The following TRDN variants were observed in gnomAD, a reference collection of about 807,000 sequenced individuals.
TRDN encodes the protein triadin in skeletal muscle.
A neutral mutation model predicts 149.7 loss-of-function variants in TRDN; 161 were observed. That is an observed-to-expected ratio of 1.08 (90% CI 0.95 to 1.23). TRDN has a LOEUF of 1.23. TRDN is among the 50% of genes most tolerant of loss of function. The probability of loss-of-function intolerance (pLI) is 0.00; values close to 1 mark genes in which losing one functional copy is unlikely to be tolerated. For missense variants in TRDN, 896 were observed against 823.5 expected, an observed-to-expected ratio of 1.09 and a Z score of -1.08; for synonymous variants, 294 against 250.5, an observed-to-expected ratio of 1.17 and a Z score of -1.64.
chr6:123,386,650 G>T (rs1781915185), intron 14 of TRDN, among the ~76,000 whole-genome samples: 1 of 152,236 alleles, frequency 6.6e-6, no homozygotes, highest in Non-Finnish European at 1.5e-5. Context: ...AGGATGTCAA[G>T]AGGCAGCTTC....
chr6:123,550,189 C>A (rs1160139538), intron 2 of TRDN, among the ~76,000 whole-genome samples: 1 of 151,908 alleles, frequency 6.6e-6, no homozygotes. Flanking sequence ...AGGAAGTTGA[C>A]CCAGAGACAC....
intron 1 of TRDN, among the ~76,000 whole-genome samples, 190 bp downstream of exon 1, chr6:123,636,564 T>C (rs1196134787): frequency 1.3e-5 from 2 of 151,948 alleles, no homozygotes; most frequent in Non-Finnish European, 2.9e-5. Flanking sequence ...AAATCTCTTT[T>C]TGCTCCCCCA....
At chr6:123,544,246 TACACAC>T (rs71021453) in intron 4 of TRDN, among the ~76,000 whole-genome samples, 4,882 of 144,260 alleles carry the variant, frequency 0.034, 102 homozygotes, top group Middle Eastern at 0.066. Context: ...CATCTGTACA[TACACAC>T]ACACACACAC....
At chr6:123,463,357 T>A (rs9490774) in intron 10 of TRDN, among the ~76,000 whole-genome samples, 22,112 of 146,192 alleles carry the variant, frequency 0.15, 1,957 homozygotes, top group South Asian at 0.29. Flanking sequence ...AAAAAATAAA[T>A]AATAAATAAA....
At chr6:123,499,175 G>T (rs1262238261) in intron 8 of TRDN, among the ~76,000 whole-genome samples, 3 of 152,046 alleles carry the variant, frequency 2.0e-5, no homozygotes, top group African/African-American at 7.2e-5. Context: ...TATGTATGTT[G>T]GAAGTTTAGA....
At chr6:123,546,005 A>G (rs1781092326) in intron 4 of TRDN, among the ~76,000 whole-genome samples, 1 of 152,112 alleles carries the variant, frequency 6.6e-6, no homozygotes, top group Non-Finnish European at 1.5e-5. Flanking sequence ...AACATTATTT[A>G]TCTGTTTTCC....
At chr6:123,321,586 T>C in intron 23 of TRDN, among the ~76,000 whole-genome samples, 1 of 151,988 alleles carries the variant, frequency 6.6e-6, no homozygotes, top group East Asian at 1.9e-4. Context: ...AACTATATTA[T>C]TATTTAAAAG....
chr6:123,419,192 C>T (rs1008582105), intron 12 of TRDN, among the ~76,000 whole-genome samples: 3 of 151,920 alleles, frequency 2.0e-5, no homozygotes, highest in Admixed American at 1.3e-4. Context: ...ACCCCCAGAG[C>T]CAGGGCTTCT....
chr6:123,327,532 T>C (rs9490734), intron 23 of TRDN, among the ~76,000 whole-genome samples: 285 of 152,240 alleles, frequency 1.9e-3, no homozygotes, highest in African/African-American at 6.7e-3. Flanking sequence ...TCATAATTTT[T>C]ACATGAAAAT....
At chr6:123,401,554 G>T (rs1346510013) in intron 12 of TRDN, among the ~76,000 whole-genome samples, 1 of 152,140 alleles carries the variant, frequency 6.6e-6, no homozygotes, top group African/African-American at 2.4e-5. Context: ...TCCACCCACA[G>T]TTTGCTTAGG....
At chr6:123,555,256 A>G (rs920066264) in intron 2 of TRDN, among the ~76,000 whole-genome samples, 1 of 152,038 alleles carries the variant, frequency 6.6e-6, no homozygotes, top group African/African-American at 2.4e-5. Context: ...TAATTTTGTC[A>G]TCACGGTGGA....
intron 4 of TRDN, among the ~76,000 whole-genome samples, chr6:123,536,313 A>G (rs1780526492): frequency 6.6e-6 from 1 of 152,176 alleles, no homozygotes; most frequent in Non-Finnish European, 1.5e-5. Context: ...ACTACTTGAA[A>G]AAATATTCAA....
At chr6:123,284,757 C>T (rs1223845226) in intron 24 of TRDN, among the ~76,000 whole-genome samples, 1 of 151,728 alleles carries the variant, frequency 6.6e-6, no homozygotes, top group Non-Finnish European at 1.5e-5. Flanking sequence ...ATTATACGCC[C>T]AGAAAACCCT....
At chr6:123,561,003 C>T (rs373075278) in intron 2 of TRDN, among the ~76,000 whole-genome samples, 11 of 152,202 alleles carry the variant, frequency 7.2e-5, no homozygotes, top group African/African-American at 2.7e-4. Flanking sequence ...TTTGCCCCTG[C>T]CCAGGACTGG....
At chr6:123,479,660 A>C (rs908435166) in intron 9 of TRDN, among the ~76,000 whole-genome samples, 2 of 152,172 alleles carry the variant, frequency 1.3e-5, no homozygotes, top group African/African-American at 4.8e-5. Context: ...GCTCTTATAC[A>C]ACAGTATCCT....
At chr6:123,329,379 C>T (rs1229244979) in intron 23 of TRDN, among the ~76,000 whole-genome samples, 4 of 152,028 alleles carry the variant, frequency 2.6e-5, no homozygotes, top group Admixed American at 6.6e-5. Flanking sequence ...AAGGAGCTCT[C>T]TAATTACTAA....
intron 38 of TRDN, among the ~76,000 whole-genome samples, chr6:123,237,472 A>G (rs562717958): frequency 6.6e-6 from 1 of 151,990 alleles, no homozygotes; most frequent in Non-Finnish European, 1.5e-5. Flanking sequence ...CTGGTCTCGA[A>G]CTCCTGACCT....
intron 1 of TRDN, among the ~76,000 whole-genome samples, chr6:123,619,765 C>G (rs776945091): frequency 6.6e-6 from 1 of 151,562 alleles, no homozygotes; most frequent in Non-Finnish European, 1.5e-5. Flanking sequence ...AACAGGAGTT[C>G]TAATTTAAAA....
intron 5 of TRDN, among the ~76,000 whole-genome samples, chr6:123,527,059 G>A (rs1021731410): frequency 2.6e-5 from 4 of 151,888 alleles, no homozygotes; most frequent in Non-Finnish European, 4.4e-5. Flanking sequence ...TAATTATCTT[G>A]CCCAAGGACA....
Sources: gnomAD v4.1 joint callset for allele counts (sites outside exome capture counted in the v4.1 genomes callset) on GRCh38, gnomAD v4.1.1 for gene constraint, MANE v1.5 for transcripts, NCBI Gene and HGNC (gene_info 2026-07-23, HGNC 2026-07-21) for gene names.